The following ZNF722 variants were observed in gnomAD, a reference collection of about 807,000 sequenced individuals.
ZNF722 encodes the protein zinc finger protein 479 pseudogene.
chr7:64,000,403 A>G, the ZNF722 span, among the ~76,000 whole-genome samples: 1 of 124,338 alleles, frequency 8.0e-6, no homozygotes, highest in South Asian at 2.7e-4. Context: ...TGCTGGGATT[A>G]CAGGATTACA....
the ZNF722 span, among the ~76,000 whole-genome samples, chr7:64,016,914 A>G: frequency 6.6e-6 from 1 of 152,250 alleles, no homozygotes; most frequent in Non-Finnish European, 1.5e-5. Context: ...AAGATAATGT[A>G]TACTGAAGAA....
At chr7:63,999,754 A>G in the ZNF722 span, among the ~76,000 whole-genome samples, 52 of 151,962 alleles carry the variant, frequency 3.4e-4, no homozygotes, top group Middle Eastern at 3.4e-3. Flanking sequence ...CTGGAGTGCA[A>G]TGGCGCGATC....
chr7:64,000,992 G>A, the ZNF722 span, among the ~76,000 whole-genome samples: 11 of 151,870 alleles, frequency 7.2e-5, no homozygotes, highest in African/African-American at 2.4e-4. Context: ...GGACAGGTTG[G>A]TCTTGAACTT....
the ZNF722 span, among the ~76,000 whole-genome samples, chr7:64,011,285 C>G: frequency 6.6e-6 from 1 of 151,940 alleles, no homozygotes; most frequent in Non-Finnish European, 1.5e-5. Flanking sequence ...AATTTGATCC[C>G]ATCATATGAT....
the ZNF722 span, among the ~76,000 whole-genome samples, chr7:64,011,070 CT>C: frequency 4.7e-5 from 7 of 149,818 alleles, no homozygotes; most frequent in East Asian, 3.9e-4. Context: ...GCAACCCCTG[CT>C]TTTTTTTTGC....
chr7:64,007,582 T>A, the ZNF722 span, among the ~76,000 whole-genome samples: 1 of 152,216 alleles, frequency 6.6e-6, no homozygotes, highest in African/African-American at 2.4e-5. Flanking sequence ...CATCCTTTTT[T>A]ATGGCTGCAT....
chr7:64,006,617 G>T, the ZNF722 span, among the ~76,000 whole-genome samples: 15 of 152,062 alleles, frequency 9.9e-5, no homozygotes, highest in Non-Finnish European at 1.9e-4. Flanking sequence ...TAGCTTTTGG[G>T]GACACACTAA....
chr7:64,004,425 A>AAAAAATATATATAT, the ZNF722 span, among the ~76,000 whole-genome samples: 4 of 61,108 alleles, frequency 6.5e-5, no homozygotes, highest in Admixed American at 4.7e-4. Flanking sequence ...AAAAAAAAAA[A>AAAAAATATATATAT]ATATATATAT....
chr7:64,001,077 G>A, the ZNF722 span, among the ~76,000 whole-genome samples: 6 of 152,184 alleles, frequency 3.9e-5, no homozygotes, highest in Non-Finnish European at 8.8e-5. Flanking sequence ...GTGCGCAGCC[G>A]AATTTTTTTT....
the ZNF722 span, among the ~76,000 whole-genome samples, chr7:64,006,819 T>G: frequency 3.6e-5 from 4 of 111,040 alleles, no homozygotes; most frequent in East Asian, 8.7e-4. Context: ...ATTTTTAAAT[T>G]TTTATATATG....
the ZNF722 span, chr7:63,998,887 C>T: frequency 1.3e-6 from 2 of 1,490,190 alleles, no homozygotes; most frequent in Non-Finnish European, 1.9e-6. Context: ...CAGTTCTTTT[C>T]TTCAGGGCTC....
chr7:64,009,855 G>A, the ZNF722 span, among the ~76,000 whole-genome samples: 1 of 152,182 alleles, frequency 6.6e-6, no homozygotes, highest in Admixed American at 6.5e-5. Flanking sequence ...GAATTCGGCT[G>A]TGAATCCATC....
At chr7:64,008,443 G>A in the ZNF722 span, among the ~76,000 whole-genome samples, 2 of 152,188 alleles carry the variant, frequency 1.3e-5, no homozygotes, top group Non-Finnish European at 2.9e-5. Context: ...AAGGAATCCA[G>A]TTTCAGCTTT....
At chr7:64,008,758 T>G in the ZNF722 span, among the ~76,000 whole-genome samples, 1 of 152,204 alleles carries the variant, frequency 6.6e-6, no homozygotes, top group Non-Finnish European at 1.5e-5. Flanking sequence ...AACTTTAAAG[T>G]AGTTTTTTCC....
chr7:64,004,981 TTCTA>T, the ZNF722 span, among the ~76,000 whole-genome samples: 4 of 152,172 alleles, frequency 2.6e-5, no homozygotes, highest in East Asian at 1.9e-4. Context: ...ATCATGACTG[TTCTA>T]TCTGAGAAAT....
chr7:64,009,262 C>A, the ZNF722 span, among the ~76,000 whole-genome samples: 13 of 152,142 alleles, frequency 8.5e-5, no homozygotes, highest in Non-Finnish European at 1.8e-4. Flanking sequence ...ATTGCCCTGG[C>A]CAGAACTTCC....
At chr7:64,000,591 C>T in the ZNF722 span, among the ~76,000 whole-genome samples, 3 of 151,346 alleles carry the variant, frequency 2.0e-5, no homozygotes, top group Non-Finnish European at 2.9e-5. Context: ...GCTGGGATTA[C>T]AGGTACCCAC....
At chr7:64,002,039 C>T in the ZNF722 span, among the ~76,000 whole-genome samples, 2 of 152,048 alleles carry the variant, frequency 1.3e-5, no homozygotes, top group South Asian at 2.1e-4. Context: ...ATGTGCTGCA[C>T]GCCCAGCTAA....
chr7:64,011,204 A>G, the ZNF722 span, among the ~76,000 whole-genome samples: 278 of 152,070 alleles, frequency 1.8e-3, no homozygotes, highest in Middle Eastern at 6.8e-3. Context: ...TCTTTATCCA[A>G]TTTGCCAGTG....
Sources: allele counts gnomAD v4.1 joint callset (sites outside exome capture counted in the v4.1 genomes callset), GRCh38; gene constraint gnomAD v4.1.1; transcripts MANE v1.5; gene names NCBI Gene and HGNC (gene_info 2026-07-23, HGNC 2026-07-21).